Variants in FMNL3 observed in about 807,000 individuals in gnomAD.
FMNL3 encodes formin like 3, also known as formin-like protein 3.
In FMNL3, 57 loss-of-function variants were observed where a neutral mutation model predicts 119.6. The observed-to-expected ratio is 0.48, with a 90% CI of 0.39 to 0.59. The LOEUF (loss-of-function observed/expected upper bound fraction) is 0.59, where lower values mean the gene tolerates loss of function less well. Among genes scored for constraint, FMNL3 ranks in the 20% least tolerant of loss-of-function variants. The pLI is 0.00. For missense variants in FMNL3, 1,053 were observed against 1,323.5 expected (o/e 0.80, Z 3.17); for synonymous variants, 491 against 507.3 (o/e 0.97, Z 0.43).
In FMNL3 at chr12:49,637,680, C is replaced by T; in HGVS notation, c.*8135G>A. The T allele has an allele frequency of 2.6e-6, 4 of 1,529,192 alleles. No homozygotes were observed. The highest frequency in any genetic ancestry group is 2.3e-5 in the South Asian group (2 of 86,664). The allele number at this position is 1,529,192 out of a possible 1,614,324, so 94.7% of individuals were successfully genotyped here. A position where few individuals can be genotyped will look rare whatever the true frequency, so the allele number is the denominator to read the frequency against. On this transcript the variant is annotated 3_prime_UTR_variant, in exon 26 of 26. Transcript: ENST00000335154. ...CCGGCTCCTGTCCTCGGCCCAGCCC[C>T]CAGGCCTTGGGAAGCTGCCGCCCGC...
intron 1 of FMNL3, among the ~76,000 whole-genome samples, chr12:49,695,918 C>T (rs1944738127): frequency 6.6e-6 from 1 of 151,858 alleles, no homozygotes; most frequent in South Asian, 2.1e-4. Context: ...AAGCTCACTA[C>T]CCAGATATTC....
In FMNL3 at chr12:49,643,856, T is replaced by C. The variant is rs1318408509; in HGVS notation, c.*1959A>G. 1.9e-6 allele frequency: 3 copies of C among 1,614,052 alleles called. No homozygotes were observed. The highest frequency in any genetic ancestry group is 2.5e-6 in the Non-Finnish European group (3 of 1,180,020). ...ACTGAGGAGGTGGGCTCTGGACTCT[T>C]ACAGAATAGTCCTGAGAGTGAGACA... On this transcript the variant is annotated 3_prime_UTR_variant, in exon 26 of 26. Transcript: ENST00000335154.
At chr12:49,689,117 C>CA (rs1279706369) in intron 1 of FMNL3, among the ~76,000 whole-genome samples, 1 of 150,536 alleles carries the variant, frequency 6.6e-6, no homozygotes, top group African/African-American at 2.5e-5. Flanking sequence ...GATCCTAACT[C>CA]AAAAAATAAT....
At chr12:49,646,358 G>A (rs1943185927) in intron 25 of FMNL3, among the ~76,000 whole-genome samples, 1 of 152,198 alleles carries the variant, frequency 6.6e-6, no homozygotes, top group Non-Finnish European at 1.5e-5. Flanking sequence ...GGTCCTGCCT[G>A]CTCTGGCCTG....
Position 49,655,920 on chromosome 12 carries a change from T to C in FMNL3, c.885+484A>G, listed in dbSNP as rs1943554340. 3.3e-5 allele frequency among the ~76,000 whole-genome samples: 5 copies of C among 152,180 alleles called. No homozygotes were observed. In the South Asian group the frequency reaches 1.0e-3, roughly 32 times the overall value. On this transcript the variant is annotated intron_variant, in intron 9 of 25. Coordinates refer to ENST00000335154, the MANE Select transcript of FMNL3 (RefSeq NM_175736.5). ...GGGGAAATTCCACACAGGAGTTCCT[T>C]CTCCCCTCACCAATAACAGCCAACA...
At chr12:49,695,981 C>T (rs1262878849) in intron 1 of FMNL3, among the ~76,000 whole-genome samples, 3 of 152,122 alleles carry the variant, frequency 2.0e-5, no homozygotes, top group Non-Finnish European at 2.9e-5. Flanking sequence ...GCAGGTAGTA[C>T]CTCCAAACAC....
chr12:49,691,513 G>A (rs182326318), intron 1 of FMNL3, among the ~76,000 whole-genome samples: 28 of 152,310 alleles, frequency 1.8e-4, no homozygotes, highest in Non-Finnish European at 3.7e-4. Flanking sequence ...TAGCCTGCCT[G>A]TATCTGGGGG....
Position 49,642,720 on chromosome 12 carries a change from C to CT in FMNL3, c.*3094_*3095insA. ...TGGATCTGCCTCAGGCCCTTGAACT[C>CT]ATTAGACCAGTTCAACAGAGACCTC... On this transcript the variant is annotated 3_prime_UTR_variant, in exon 26 of 26. Transcript: ENST00000335154. The surrounding 1 kb of genome is among the most constrained non-coding windows in gnomAD (Gnocchi z 5.8). 1 of 1,578,780 alleles carries CT rather than the reference C, an allele frequency of 6.3e-7. No homozygotes were observed. Among genetic ancestry groups the CT allele is most frequent in the Non-Finnish European group, 8.6e-7 (1 of 1,156,944 alleles).
intron 1 of FMNL3, among the ~76,000 whole-genome samples, chr12:49,696,395 G>A (rs1254121351): frequency 6.6e-6 from 1 of 152,112 alleles, no homozygotes; most frequent in African/African-American, 2.4e-5. Context: ...TCCTTGTAAG[G>A]TTTTCAATTC....
chr12:49,696,512 T>G (rs1306561476), intron 1 of FMNL3, among the ~76,000 whole-genome samples: 1 of 152,244 alleles, frequency 6.6e-6, no homozygotes. Context: ...CTGTTTTGTT[T>G]ACAGAATAAT....
Position 49,649,611 on chromosome 12 carries a change from T to C in FMNL3, c.2236-73A>G. 2 of 1,611,658 alleles carry C rather than the reference T, an allele frequency of 1.2e-6. No individual in the cohort carries two copies. Among genetic ancestry groups the C allele is most frequent in the Non-Finnish European group, 1.7e-6 (2 of 1,177,918 alleles). ...AAAGACAGGGAGGGGTCAGAAGGAC[T>C]GGAAGGGCAGGGGAGGTGACTAGCA... On this transcript the variant is annotated intron_variant, in intron 18 of 25. Transcript: ENST00000335154. This position sits in a 1 kb window ranked among gnomAD's most constrained non-coding sequence, Gnocchi z 5.6.
intron 25 of FMNL3, 154 bp downstream of exon 25, chr12:49,646,732 G>A (rs991143908): frequency 1.5e-5 from 23 of 1,568,556 alleles, no homozygotes; most frequent in African/African-American, 4.1e-5. Context: ...AGTACGGGCC[G>A]TGAAAGGGAC....
At chr12:49,700,396 A>C (rs1316583830) in intron 1 of FMNL3, among the ~76,000 whole-genome samples, 1 of 149,806 alleles carries the variant, frequency 6.7e-6, no homozygotes, top group Non-Finnish European at 1.5e-5. Flanking sequence ...CGTCTCAAAA[A>C]AAAAAAAAAA....
At chr12:49,693,596 T>A (rs1283728291) in intron 1 of FMNL3, among the ~76,000 whole-genome samples, 2 of 144,186 alleles carry the variant, frequency 1.4e-5, no homozygotes, top group African/African-American at 5.1e-5. Flanking sequence ...CTTGAACTCC[T>A]GGGCTGAAGT....
At chr12:49,702,037 C>T (rs1414691552) in intron 1 of FMNL3, among the ~76,000 whole-genome samples, 1 of 152,188 alleles carries the variant, frequency 6.6e-6, no homozygotes, top group Non-Finnish European at 1.5e-5. Flanking sequence ...GGCATGGTGG[C>T]TCATGCCTAA....
Position 49,643,852 on chromosome 12 carries a change from C to A in FMNL3, c.*1963G>T, listed in dbSNP as rs774806697. The A allele has an allele frequency of 5.0e-6, 8 of 1,614,142 alleles. No homozygotes were observed. Among genetic ancestry groups the A allele is most frequent in the Non-Finnish European group, 6.8e-6 (8 of 1,180,002 alleles). On this transcript the variant is annotated 3_prime_UTR_variant, in exon 26 of 26. Transcript: ENST00000335154. ...AGGAACTGAGGAGGTGGGCTCTGGA[C>A]TCTTACAGAATAGTCCTGAGAGTGA...
In FMNL3 at chr12:49,643,518, T is replaced by G. The variant is rs974998628; in HGVS notation, c.*2297A>C. On this transcript the variant is annotated 3_prime_UTR_variant, in exon 26 of 26. Coordinates refer to ENST00000335154, the MANE Select transcript of FMNL3 (RefSeq NM_175736.5). The stretch of plus-strand genomic sequence containing the variant: ...ATTGGGAGGGCTGCACCTGTGGAAG[T>G]AGAAAGAACTTCCTCTACCTGCCCA... The G allele has an allele frequency of 7.1e-7, 1 of 1,404,908 alleles. No homozygotes were observed. Among genetic ancestry groups the G allele is most frequent in the African/African-American group, 1.4e-5 (1 of 69,070 alleles). 87.0% of individuals were successfully genotyped at this position (1,404,908 alleles called of 1,614,324 possible). A position where few individuals can be genotyped will look rare whatever the true frequency, so the allele number is the denominator to read the frequency against.
rs1437868465 is a variant in FMNL3, at chr12:49,707,088, G to A, written c.93C>T (p.Pro31=). ...LPPGKMPMPE[P]CELEERFALV... is the part of the protein sequence containing the mutation. ...GGGCGAACCTTTCCTCCAGCTCACA[G>A]GGCTCAGGCATCGGCATCTTGCCGG... The change falls in exon 1 of 26, where the codon CCC becomes CCT. Residue 31 remains proline (P), a synonymous_variant. Transcript: ENST00000335154. The A allele has an allele frequency of 1.9e-6, 3 of 1,598,774 alleles. No homozygotes were observed. Among genetic ancestry groups the A allele is most frequent in the Non-Finnish European group, 1.7e-6 (2 of 1,174,132 alleles).
chr12:49,652,386 CAA>C, intron 13 of FMNL3, 174 bp from the exon 14 acceptor site: 1 of 1,295,386 alleles, frequency 7.7e-7, no homozygotes, highest in Non-Finnish European at 1.0e-6. Flanking sequence ...GGCAGCAAAA[CAA>C]AAGAGGCAAG....
Sources: allele counts gnomAD v4.1 joint callset (sites outside exome capture counted in the v4.1 genomes callset), GRCh38; gene constraint gnomAD v4.1.1; non-coding constraint Gnocchi (gnomAD v3.1); transcripts MANE v1.5; gene names NCBI Gene and HGNC (gene_info 2026-07-23, HGNC 2026-07-21).